Variants in SH3RF1 observed in about 807,000 individuals in gnomAD.
SH3RF1 encodes SH3 domain containing ring finger 1.
A neutral mutation model predicts 74.0 loss-of-function variants in SH3RF1; 32 were observed. The ratio of observed to expected loss-of-function variants is 0.43; its 90% confidence interval spans 0.33 to 0.58. SH3RF1 has a LOEUF of 0.58. SH3RF1 is among the 20% of genes least tolerant of loss of function. SH3RF1 has a pLI of 0.05. For synonymous variants in SH3RF1, 396 were observed against 439.6 expected (o/e 0.90, Z 1.24); for missense variants, 954 against 1,130.9 (o/e 0.84, Z 2.24).
At position 169,117,689 on chromosome 4, in the gene SH3RF1, T is replaced by C; in HGVS notation, c.1611A>G (p.Gly537=). The C allele has an allele frequency of 1.2e-6, 2 of 1,614,164 alleles. No homozygotes were observed. The highest frequency in any genetic ancestry group is 2.2e-5 in the South Asian group (2 of 91,082). Residue 537 remains glycine, a synonymous_variant, in exon 9 of 12, where the codon GGA becomes GGG. Coordinates refer to ENST00000284637, the MANE Select transcript of SH3RF1 (RefSeq NM_020870.4). ...TTCCCTGGAGCTTCTGGGCAGGCCCTCCTGCCGTGGAAGGACTGACCATGG... is the reference window on the plus strand; with the variant it reads ...TTCCCTGGAGCTTCTGGGCAGGCCCCCCTGCCGTGGAAGGACTGACCATGG... ...GVTMVSPSTA[G]GPAQKLQGNG... is the part of the protein sequence containing the mutation.
intron 10 of SH3RF1, among the ~76,000 whole-genome samples, chr4:169,114,458 T>C (rs1362877147): frequency 6.6e-6 from 1 of 152,214 alleles, no homozygotes; most frequent in Non-Finnish European, 1.5e-5. Flanking sequence ...CTTTTGGCCA[T>C]GTAATGAAAC....
At chr4:169,137,931 C>A (rs547470108) in intron 4 of SH3RF1, among the ~76,000 whole-genome samples, 2 of 152,180 alleles carry the variant, frequency 1.3e-5, no homozygotes, top group Non-Finnish European at 2.9e-5. Context: ...TCAAACATGA[C>A]CATATCTCTT....
At chr4:169,116,718 C>T in intron 9 of SH3RF1, 88 bp from the exon 10 acceptor site, 1 of 1,445,676 alleles carries the variant, frequency 6.9e-7, no homozygotes, top group Non-Finnish European at 9.2e-7. Flanking sequence ...CTGCATCAGA[C>T]CATGATGAAA....
chr4:169,117,841 C>A, intron 8 of SH3RF1, 59 bp from the exon 9 acceptor site: 2 of 1,546,672 alleles, frequency 1.3e-6, no homozygotes, highest in Non-Finnish European at 1.8e-6. Flanking sequence ...ACAGAAAGAA[C>A]AATTAAATGC....
At chr4:169,200,349 T>C (rs926141203) in intron 2 of SH3RF1, among the ~76,000 whole-genome samples, 1 of 152,144 alleles carries the variant, frequency 6.6e-6, no homozygotes, top group African/African-American at 2.4e-5. Flanking sequence ...GTTCCAACAA[T>C]AGGTATTATA....
At chr4:169,220,757 T>C (rs1730552870) in intron 2 of SH3RF1, among the ~76,000 whole-genome samples, 1 of 152,238 alleles carries the variant, frequency 6.6e-6, no homozygotes, top group Admixed American at 6.5e-5. Flanking sequence ...TCTGTTACTA[T>C]TCACTGGTGT....
At chr4:169,125,882 G>A (rs1733516269) in intron 6 of SH3RF1, among the ~76,000 whole-genome samples, 1 of 152,190 alleles carries the variant, frequency 6.6e-6, no homozygotes, top group South Asian at 2.1e-4. Context: ...TTGGTCAACA[G>A]TGTTACCAAG....
intron 2 of SH3RF1, among the ~76,000 whole-genome samples, chr4:169,257,046 A>G (rs1226057443): frequency 2.6e-5 from 4 of 152,218 alleles, no homozygotes; most frequent in African/African-American, 9.6e-5. Context: ...AATCCTCACA[A>G]ACTTGGAAAG....
chr4:169,263,889 T>C (rs1027567446), intron 2 of SH3RF1, among the ~76,000 whole-genome samples: 3 of 152,352 alleles, frequency 2.0e-5, no homozygotes, highest in South Asian at 2.1e-4. Context: ...CCTTATAACA[T>C]GCCTGTCTAT....
Position 169,114,821 on chromosome 4 carries a change from T to G in SH3RF1, c.2139+1448A>C, listed in dbSNP as rs923906529. ...TAACTTTTTAGTAGGCCATAAAGTT[T>G]ATTTCCTTATAAACTGCTGTTTACA... On this transcript the variant is annotated intron_variant, in intron 10 of 11. Coordinates refer to ENST00000284637, the MANE Select transcript of SH3RF1 (RefSeq NM_020870.4). Among the ~76,000 whole-genome samples the G allele has an allele frequency of 3.9e-5, 6 of 152,232 alleles. 1 individual carries two copies. The highest frequency in any genetic ancestry group is 3.9e-4 in the Admixed American group (6 of 15,284).
intron 2 of SH3RF1, among the ~76,000 whole-genome samples, chr4:169,264,784 T>C (rs1185949563): frequency 3.3e-5 from 5 of 152,184 alleles, no homozygotes; most frequent in Non-Finnish European, 5.9e-5. Context: ...CTTGATGCCT[T>C]CTACATTATC....
intron 10 of SH3RF1, among the ~76,000 whole-genome samples, chr4:169,115,419 T>C (rs1579088917): frequency 6.6e-6 from 1 of 152,174 alleles, no homozygotes; most frequent in East Asian, 1.9e-4. Flanking sequence ...GCAGGGGCAT[T>C]AGATTCTCAT....
intron 2 of SH3RF1, among the ~76,000 whole-genome samples, chr4:169,164,405 T>A (rs957661736): frequency 6.6e-6 from 1 of 152,168 alleles, no homozygotes; most frequent in Non-Finnish European, 1.5e-5. Flanking sequence ...TTTACACAAA[T>A]TGCAAAATAT....
chr4:169,140,252 C>A (rs1412631103), intron 4 of SH3RF1, among the ~76,000 whole-genome samples: 4 of 152,158 alleles, frequency 2.6e-5, no homozygotes, highest in African/African-American at 9.7e-5. Flanking sequence ...AACCAAGAAT[C>A]TGATAGCTTT....
Position 169,130,274 on chromosome 4 carries a change from T to C in SH3RF1, c.1069-118A>G, listed in dbSNP as rs141282164. On this transcript the variant is annotated intron_variant, in intron 5 of 11. Coordinates refer to ENST00000284637, the MANE Select transcript of SH3RF1 (RefSeq NM_020870.4). Reference sequence around the variant, plus strand: ...AAAAAAATCTGTACTTTCTGTTATTTGGGGAAGGTAGAATCCCTTTTAGTC... The same window carrying C: ...AAAAAAATCTGTACTTTCTGTTATTCGGGGAAGGTAGAATCCCTTTTAGTC... The C allele has an allele frequency of 3.5e-4, 267 of 759,192 alleles. No individual in the cohort carries two copies. The African/African-American group carries it at 4.6e-3, about 13-fold the overall frequency. The allele number at this position is 759,192 out of a possible 1,614,324, so 47.0% of individuals were successfully genotyped here.
chr4:169,183,761 A>C (rs1411727865), intron 2 of SH3RF1, among the ~76,000 whole-genome samples: 1 of 149,368 alleles, frequency 6.7e-6, no homozygotes, highest in Non-Finnish European at 1.5e-5. Context: ...AAAAAAAAAA[A>C]AACAAAACAA....
intron 2 of SH3RF1, among the ~76,000 whole-genome samples, chr4:169,264,292 G>A (rs1731320019): frequency 6.6e-6 from 1 of 152,118 alleles, no homozygotes; most frequent in East Asian, 1.9e-4. Context: ...TTCCCTATGT[G>A]TCTGCATCCT....
chr4:169,254,687 A>G (rs982245847), intron 2 of SH3RF1, among the ~76,000 whole-genome samples: 5 of 152,200 alleles, frequency 3.3e-5, no homozygotes, highest in Admixed American at 2.6e-4. Flanking sequence ...GGTACATAAC[A>G]TGAGGATGTA....
chr4:169,138,279 G>A (rs1733731979), intron 4 of SH3RF1, among the ~76,000 whole-genome samples: 1 of 152,186 alleles, frequency 6.6e-6, no homozygotes, highest in Admixed American at 6.5e-5. Flanking sequence ...ATAAACTGCA[G>A]TGAACCATGG....
Sources: allele counts gnomAD v4.1 joint callset (sites outside exome capture counted in the v4.1 genomes callset), GRCh38; gene constraint gnomAD v4.1.1; transcripts MANE v1.5; gene names NCBI Gene and HGNC (gene_info 2026-07-23, HGNC 2026-07-21).